Variants in NLRP7 observed in about 807,000 individuals in gnomAD.
The protein encoded by NLRP7 is NACHT, LRR and PYD domains-containing protein 7.
In NLRP7, 72 loss-of-function variants were observed where a neutral mutation model predicts 85.5. That is an observed-to-expected ratio of 0.84 (90% CI 0.70 to 1.02). The LOEUF (loss-of-function observed/expected upper bound fraction) is 1.02. Among genes scored for constraint, NLRP7 ranks in the 50% least tolerant of loss-of-function variants. The pLI is 0.00. For missense variants in NLRP7, 1,243 were observed against 1,219.5 expected (o/e 1.02, Z -0.29); for synonymous variants, 550 against 505.2 (o/e 1.09, Z -1.19).
At chr19:54,929,520 G>A (rs1183068769) in intron 9 of NLRP7, among the ~76,000 whole-genome samples, 1 of 152,104 alleles carries the variant, frequency 6.6e-6, no homozygotes, top group African/African-American at 2.4e-5. Context: ...CAAACTTTGG[G>A]GAGAGAAGTG....
upstream of NLRP7, among the ~76,000 whole-genome samples, chr19:54,950,629 G>A (rs1373827152): frequency 3.9e-5 from 6 of 151,972 alleles, no homozygotes; most frequent in East Asian, 1.9e-4. Flanking sequence ...AATGCCTTAC[G>A]GAGCAGTATT....
intron 8 of NLRP7, 69 bp downstream of exon 8, chr19:54,933,500 A>G: frequency 6.4e-7 from 1 of 1,565,424 alleles, no homozygotes; most frequent in Non-Finnish European, 8.8e-7. Context: ...GAAATGAATT[A>G]ACAAGTACTT....
Position 54,934,496 on chromosome 19 carries a change from T to A in NLRP7, c.2464A>T (p.Met822Leu). 1.2e-6 allele frequency: 2 copies of A among 1,614,054 alleles called. No individual in the cohort carries two copies. The highest frequency in any genetic ancestry group is 2.2e-5 in the East Asian group (1 of 44,868). ...TGGGAAGAGGAGACTTACGACAACA[T>A]CTGCAGGAAGTGTTTTGGGCGTGTC... Residue 822 changes from methionine to leucine, a missense_variant, in exon 7 of 10, where the codon ATG becomes TTG. By Grantham distance (15) the Met-to-Leu change is conservative. Coordinates refer to ENST00000340844, the Ensembl canonical transcript of NLRP7. This position sits in a 1 kb window ranked among gnomAD's most constrained non-coding sequence, Gnocchi z 6.7.
chr19:54,952,357 C>G (rs932704081), upstream of NLRP7, among the ~76,000 whole-genome samples: 1 of 152,012 alleles, frequency 6.6e-6, no homozygotes, highest in Non-Finnish European at 1.5e-5. Context: ...CTTTGGGAGG[C>G]CAAGGCAGGT....
intron 1 of NLRP7, among the ~76,000 whole-genome samples, chr19:54,957,327 C>T (rs1209807799): frequency 6.7e-6 from 1 of 149,138 alleles, no homozygotes; most frequent in African/African-American, 2.5e-5. Context: ...GACACCCCTA[C>T]TCCTTTCTTC....
intron 1 of NLRP7, among the ~76,000 whole-genome samples, chr19:54,957,364 G>C (rs1042060898): frequency 1.3e-5 from 1 of 75,242 alleles, no homozygotes; most frequent in Non-Finnish European, 2.5e-5. Flanking sequence ...TTTTTTTTTT[G>C]AGATGGAGTC....
At chr19:54,933,202 G>A (rs1468684760) in intron 8 of NLRP7, among the ~76,000 whole-genome samples, 1 of 152,128 alleles carries the variant, frequency 6.6e-6, no homozygotes, top group Non-Finnish European at 1.5e-5. Flanking sequence ...CTGGAGTGCA[G>A]TGGTGCGATC....
chr19:54,934,681 T>A lies in NLRP7; in HGVS notation c.2301-22A>T, dbSNP rs1400814102. 1 of 1,604,482 alleles carries A rather than the reference T, an allele frequency of 6.2e-7. No individual in the cohort carries two copies. The highest frequency in any genetic ancestry group is 8.5e-7 in the Non-Finnish European group (1 of 1,174,816). ...CAACCTGTGAAAAGAGTGGGAAAAG[T>A]CATTCTTCTGGGAGGACAGAGTATA... On this transcript the variant is annotated intron_variant, in intron 6 of 9. Transcript: ENST00000340844. The surrounding 1 kb of genome is among the most constrained non-coding windows in gnomAD (Gnocchi z 6.7).
At chr19:54,957,878 G>C (rs1295580991) in intron 1 of NLRP7, among the ~76,000 whole-genome samples, 1 of 152,146 alleles carries the variant, frequency 6.6e-6, no homozygotes, top group African/African-American at 2.4e-5. Flanking sequence ...AAGAGTTCAA[G>C]ACTGGCCCGG....
At chr19:54,952,713 G>A (rs1010099524) in intron 1 of NLRP7, among the ~76,000 whole-genome samples, 2 of 152,022 alleles carry the variant, frequency 1.3e-5, no homozygotes, top group Admixed American at 6.6e-5. Flanking sequence ...ACAGTGACCC[G>A]GCAAATTGAC....
intron 7 of NLRP7, 110 bp from the exon 8 acceptor site, chr19:54,933,849 C>T: frequency 3.2e-6 from 3 of 936,746 alleles, no homozygotes; most frequent in Non-Finnish European, 5.2e-6. Flanking sequence ...TCCTGTTCAT[C>T]CCCTGCCCTC....
At chr19:54,927,528 C>A (rs1194685768) in intron 9 of NLRP7, 77 bp downstream of exon 10, 2 of 1,467,086 alleles carry the variant, frequency 1.4e-6, no homozygotes, top group Admixed American at 1.7e-5. Flanking sequence ...TGCACTCCAG[C>A]CTGAATGACA....
intron 8 of NLRP7, among the ~76,000 whole-genome samples, chr19:54,933,368 A>G (rs2068758053): frequency 6.6e-6 from 1 of 152,120 alleles, no homozygotes; most frequent in Non-Finnish European, 1.5e-5. Context: ...GATGGTCTCC[A>G]TCTCCTGACC....
intron 1 of NLRP7, among the ~76,000 whole-genome samples, chr19:54,952,826 C>T (rs950311856): frequency 3.3e-5 from 5 of 152,048 alleles, no homozygotes; most frequent in Non-Finnish European, 7.4e-5. Flanking sequence ...ACCTACCGGG[C>T]TGCATTCCCA....
intron 9 of NLRP7, among the ~76,000 whole-genome samples, chr19:54,929,226 G>A (rs866386870): frequency 2.0e-4 from 31 of 152,074 alleles, no homozygotes; most frequent in Middle Eastern, 3.4e-3. Flanking sequence ...AAAATTAGCT[G>A]GGTATGGTGG....
At chr19:54,940,366 A>G in exon 4 of NLRP7, 1 of 1,614,178 alleles carries the variant, frequency 6.2e-7, no homozygotes, top group East Asian at 2.2e-5. Flanking sequence ...GGTTTCTCAG[A>G]GTGACGTCGT....
At chr19:54,946,141 A>T (rs1602203665) in intron 1 of NLRP7, among the ~76,000 whole-genome samples, 1 of 147,892 alleles carries the variant, frequency 6.8e-6, no homozygotes. Flanking sequence ...TCCTGACCTC[A>T]GCTGATCCAC....
In NLRP7 at chr19:54,937,233, T is replaced by G. The variant is rs773844126; in HGVS notation, c.2130-802A>C. 2.5e-3 allele frequency among the ~76,000 whole-genome samples: 359 copies of G among 143,038 alleles called. 2 individuals carry two copies. Among genetic ancestry groups the G allele is most frequent in the Non-Finnish European group, 3.6e-3 (236 of 65,450 alleles). 93.8% of individuals were successfully genotyped at this position (143,038 alleles called of 152,430 possible). On this transcript the variant is annotated intron_variant, in intron 5 of 9. Coordinates refer to ENST00000340844, the Ensembl canonical transcript of NLRP7. ...ACTGTCTCAAAAAAAAAAAAAAAAG[T>G]CAAGAAGCAGAGGATCAGGAAAAAC...
rs574058391 is a variant in NLRP7 at position 54,934,178 on chromosome 19, T to A, written c.2471+311A>T. 2.0e-4 allele frequency among the ~76,000 whole-genome samples: 30 copies of A among 152,180 alleles called. No individual in the cohort carries two copies. The highest frequency in any genetic ancestry group is 3.1e-4 in the Non-Finnish European group (21 of 68,034). ...GGATGGTCTCGATCTCTTGACCTCG[T>A]GATCTCCCCGCCTTGGCCTCCCAAC... On this transcript the variant is annotated intron_variant, in intron 7 of 9. Transcript: ENST00000340844. This position sits in a 1 kb window ranked among gnomAD's most constrained non-coding sequence, Gnocchi z 6.7.
Sources: gnomAD v4.1 joint callset for allele counts (sites outside exome capture counted in the v4.1 genomes callset) on GRCh38, gnomAD v4.1.1 for gene constraint, Gnocchi (gnomAD v3.1) non-coding constraint, MANE v1.5 for transcripts, NCBI Gene and HGNC (gene_info 2026-07-23, HGNC 2026-07-21) for gene names.